TBC1D5: variants seen among roughly 807,000 people sequenced by gnomAD.
TBC1D5 encodes the protein TBC1 domain family, member 5.
TBC1D5 carries 75 observed loss-of-function variants against 100.3 expected under a neutral mutation model. The ratio of observed to expected loss-of-function variants is 0.75; its 90% CI spans 0.62 to 0.91. The LOEUF (loss-of-function observed/expected upper bound fraction) is 0.91, where lower values mean the gene tolerates loss of function less well. Ranked by LOEUF, TBC1D5 falls within the 40% of genes least tolerant of loss-of-function variation. The pLI is 0.00. For synonymous variants in TBC1D5, 323 were observed against 325.6 expected, an observed-to-expected ratio of 0.99 and a Z score of 0.09; for missense variants, 910 against 942.4, an observed-to-expected ratio of 0.97 and a Z score of 0.45.
At chr3:17,629,407 G>C (rs1305848899) in intron 1 of TBC1D5, among the ~76,000 whole-genome samples, 1 of 152,138 alleles carries the variant, frequency 6.6e-6, no homozygotes, top group Non-Finnish European at 1.5e-5. Flanking sequence ...ATTTGTTTCT[G>C]TAACAGCTGT....
At chr3:17,705,300 C>T (rs1283559740) in intron 1 of TBC1D5, among the ~76,000 whole-genome samples, 4 of 108,926 alleles carry the variant, frequency 3.7e-5, no homozygotes, top group African/African-American at 6.6e-5. Context: ...GGGGGCTGAC[C>T]CCCCCACCTC....
chr3:17,383,425 T>A (rs1268608613), intron 9 of TBC1D5, among the ~76,000 whole-genome samples: 1 of 151,978 alleles, frequency 6.6e-6, no homozygotes, highest in Non-Finnish European at 1.5e-5. Context: ...GCTTTAGTAA[T>A]GAGACGAGTC....
intron 18 of TBC1D5, among the ~76,000 whole-genome samples, chr3:17,201,690 T>A (rs190206903): frequency 4.6e-5 from 7 of 152,074 alleles, no homozygotes; most frequent in African/African-American, 9.7e-5. Flanking sequence ...TGAAATTTGG[T>A]TTTTAAAAGT....
chr3:17,533,009 A>G (rs2153390807), intron 2 of TBC1D5, among the ~76,000 whole-genome samples: 2 of 150,758 alleles, frequency 1.3e-5, no homozygotes, highest in East Asian at 3.9e-4. Context: ...AAAAAATTTG[A>G]TCACACCACT....
intron 4 of TBC1D5, among the ~76,000 whole-genome samples, chr3:17,420,978 G>C (rs1350485731): frequency 6.6e-6 from 1 of 152,196 alleles, no homozygotes; most frequent in Non-Finnish European, 1.5e-5. Flanking sequence ...AGGGCTTGAA[G>C]GGGTTTCTAA....
intron 13 of TBC1D5, among the ~76,000 whole-genome samples, chr3:17,355,236 T>C (rs2091099504): frequency 6.6e-6 from 1 of 152,160 alleles, no homozygotes; most frequent in African/African-American, 2.4e-5. Flanking sequence ...ATGCCTGCTA[T>C]AGTAGCCCAG....
chr3:17,533,186 A>G (rs1168288870), intron 2 of TBC1D5, among the ~76,000 whole-genome samples: 6 of 152,068 alleles, frequency 3.9e-5, no homozygotes, highest in Non-Finnish European at 8.8e-5. Context: ...TCTACAATCC[A>G]ATAATCCCTA....
intron 2 of TBC1D5, among the ~76,000 whole-genome samples, chr3:17,601,917 T>A (rs904339551): frequency 6.6e-6 from 1 of 151,852 alleles, no homozygotes; most frequent in African/African-American, 2.4e-5. Context: ...GCAAGCTCCG[T>A]CTCCCAGGTT....
intron 18 of TBC1D5, among the ~76,000 whole-genome samples, chr3:17,202,500 G>A (rs1222133569): frequency 1.3e-5 from 2 of 152,230 alleles, no homozygotes; most frequent in African/African-American, 2.4e-5. Context: ...AGTAAAGAGG[G>A]GTGAATGTTA....
chr3:17,566,381 C>G (rs2096593835), intron 2 of TBC1D5, among the ~76,000 whole-genome samples: 1 of 151,800 alleles, frequency 6.6e-6, no homozygotes, highest in African/African-American at 2.4e-5. Context: ...ACACAACTAA[C>G]AAAAACAAAG....
At chr3:17,706,324 T>C (rs1422466174) in intron 1 of TBC1D5, 3 of 1,416,168 alleles carry the variant, frequency 2.1e-6, no homozygotes, top group Non-Finnish European at 1.9e-6. Context: ...CAGAACTGTA[T>C]ACCTTTGTGA....
chr3:17,208,454 G>A (rs144522680), intron 18 of TBC1D5, among the ~76,000 whole-genome samples: 35 of 152,360 alleles, frequency 2.3e-4, no homozygotes, highest in African/African-American at 8.4e-4. Context: ...GGCGCAATCC[G>A]ATTAAGTGCC....
At chr3:17,185,057 G>T in intron 19 of TBC1D5, 52 bp downstream of exon 20, 1 of 1,500,670 alleles carries the variant, frequency 6.7e-7, no homozygotes, top group Non-Finnish European at 9.2e-7. Flanking sequence ...ATTGCTAGTG[G>T]CTATTATTGT....
intron 3 of TBC1D5, among the ~76,000 whole-genome samples, chr3:17,473,889 CTT>C: frequency 6.9e-6 from 1 of 144,550 alleles, no homozygotes; most frequent in Admixed American, 6.9e-5. Flanking sequence ...TTTTACTTTA[CTT>C]TTTTTTTTTG....
intron 1 of TBC1D5, among the ~76,000 whole-genome samples, chr3:17,698,971 G>A (rs2072649859): frequency 6.8e-6 from 1 of 146,756 alleles, no homozygotes; most frequent in Non-Finnish European, 1.5e-5. Flanking sequence ...CAACCATTGT[G>A]GAAGTCAGTG....
intron 1 of TBC1D5, among the ~76,000 whole-genome samples, chr3:17,717,153 T>C (rs2075308500): frequency 6.6e-6 from 1 of 152,118 alleles, no homozygotes; most frequent in Non-Finnish European, 1.5e-5. Context: ...CAGATCAGTC[T>C]TCTCTGACTC....
chr3:17,191,523 G>C (rs2069892446), intron 18 of TBC1D5, among the ~76,000 whole-genome samples: 1 of 152,176 alleles, frequency 6.6e-6, no homozygotes, highest in Admixed American at 6.5e-5. Context: ...ACACATATGG[G>C]CATAGGCACC....
chr3:17,587,982 T>C (rs2096742786), intron 2 of TBC1D5, among the ~76,000 whole-genome samples: 1 of 152,052 alleles, frequency 6.6e-6, no homozygotes, highest in Non-Finnish European at 1.5e-5. Context: ...TACCAATATA[T>C]ATTATCATAG....
At chr3:17,393,118 G>GT (rs34958195) in intron 8 of TBC1D5, among the ~76,000 whole-genome samples, 74,526 of 149,064 alleles carry the variant, frequency 0.5, 20,083 homozygotes, top group African/African-American at 0.69. Context: ...TGATGATGAG[G>GT]TTTTTTTTTT....
Sources: allele counts gnomAD v4.1 joint callset (sites outside exome capture counted in the v4.1 genomes callset), GRCh38; gene constraint gnomAD v4.1.1; transcripts MANE v1.5; gene names NCBI Gene and HGNC (gene_info 2026-07-23, HGNC 2026-07-21).